The following MTUS2 variants were observed in gnomAD, a reference collection of about 807,000 sequenced individuals.
The protein encoded by MTUS2 is microtubule-associated tumor suppressor candidate 2.
A neutral mutation model predicts 114.1 loss-of-function variants in MTUS2; 40 were observed. The observed-to-expected ratio is 0.35, with a 90% confidence interval of 0.27 to 0.46. MTUS2 has a LOEUF of 0.46. Ranked by LOEUF, MTUS2 falls within the 20% of genes least tolerant of loss-of-function variation. The pLI, the probability that MTUS2 is intolerant of heterozygous loss-of-function variation, is 1.00. For synonymous variants in MTUS2, 688 were observed against 672.0 expected (o/e 1.02, Z -0.37); for missense variants, 1,679 against 1,705.4 (o/e 0.98, Z 0.27).
intron 5 of MTUS2, among the ~76,000 whole-genome samples, chr13:29,150,467 A>T (rs1290163646): frequency 5.3e-5 from 8 of 152,096 alleles, no homozygotes; most frequent in African/African-American, 1.9e-4. Context: ...TACCTTGCAA[A>T]TATTTTCTCT....
At chr13:29,062,687 GGT>G (rs1192445545) in intron 4 of MTUS2, among the ~76,000 whole-genome samples, 2 of 151,910 alleles carry the variant, frequency 1.3e-5, no homozygotes, top group Non-Finnish European at 2.9e-5. Flanking sequence ...AATAATTTCT[GGT>G]GTTTCCCTCC....
intron 8 of MTUS2, among the ~76,000 whole-genome samples, chr13:29,405,744 T>TTC (rs869152929): frequency 0.01 from 2 of 194 alleles, no homozygotes; most frequent in East Asian, 0.5. Context: ...AATTAACTAC[T>TTC]TTTTTTTTTT....
At chr13:29,449,603 T>G (rs1348865462) in intron 9 of MTUS2, among the ~76,000 whole-genome samples, 1 of 151,928 alleles carries the variant, frequency 6.6e-6, no homozygotes, top group Non-Finnish European at 1.5e-5. Context: ...ACAAAAGTCT[T>G]AAATTCTTCC....
chr13:29,394,704 A>G (rs185824003), intron 8 of MTUS2, among the ~76,000 whole-genome samples: 1 of 152,338 alleles, frequency 6.6e-6, no homozygotes, highest in East Asian at 1.9e-4. Context: ...GTTAGGAACC[A>G]GGCTAACAGC....
chr13:29,271,861 G>C (rs1897893309), intron 5 of MTUS2, among the ~76,000 whole-genome samples: 1 of 152,176 alleles, frequency 6.6e-6, no homozygotes, highest in Admixed American at 6.5e-5. Context: ...AATGTTTTGT[G>C]GATAGATGAT....
At chr13:29,102,988 G>C (rs1009175665) in intron 5 of MTUS2, among the ~76,000 whole-genome samples, 6 of 152,150 alleles carry the variant, frequency 3.9e-5, no homozygotes, top group African/African-American at 1.4e-4. Flanking sequence ...TGTGTGGAAA[G>C]CTTTGCTGGA....
intron 6 of MTUS2, among the ~76,000 whole-genome samples, chr13:29,287,209 T>C (rs1898527550): frequency 6.6e-6 from 1 of 152,338 alleles, no homozygotes; most frequent in Middle Eastern, 3.4e-3. Flanking sequence ...AATATCCAGC[T>C]AAGGACTATC....
chr13:28,988,350 T>A (rs1476788188), intron 2 of MTUS2, among the ~76,000 whole-genome samples: 2 of 152,236 alleles, frequency 1.3e-5, no homozygotes, highest in Non-Finnish European at 2.9e-5. Flanking sequence ...CCTGGCTATG[T>A]CATCATGTCT....
At chr13:29,151,106 G>A (rs1359127694) in intron 5 of MTUS2, among the ~76,000 whole-genome samples, 1 of 152,022 alleles carries the variant, frequency 6.6e-6, no homozygotes, top group African/African-American at 2.4e-5. Flanking sequence ...GATAACAATA[G>A]CATTGAATCT....
intron 8 of MTUS2, among the ~76,000 whole-genome samples, chr13:29,417,446 CTTT>C (rs1875749620): frequency 6.6e-6 from 1 of 152,110 alleles, no homozygotes; most frequent in Non-Finnish European, 1.5e-5. Context: ...ATTAATCCTT[CTTT>C]ATCTGTTTTC....
chr13:28,928,375 CAGA>C (rs1013423858), intron 2 of MTUS2, among the ~76,000 whole-genome samples: 3 of 152,020 alleles, frequency 2.0e-5, no homozygotes, highest in African/African-American at 7.2e-5. Context: ...GATTAATAAC[CAGA>C]ATATATAAGG....
intron 5 of MTUS2, among the ~76,000 whole-genome samples, chr13:29,193,646 A>G (rs1352990182): frequency 6.6e-6 from 1 of 152,200 alleles, no homozygotes; most frequent in Non-Finnish European, 1.5e-5. Flanking sequence ...AAGAATCAAT[A>G]TCGTGAAAAT....
intron 7 of MTUS2, among the ~76,000 whole-genome samples, chr13:29,334,771 C>T (rs892885202): frequency 3.3e-5 from 5 of 152,038 alleles, no homozygotes; most frequent in South Asian, 2.1e-4. Context: ...TCAGGGACCC[C>T]GAACGGAGGG....
chr13:29,108,374 A>G (rs1265137898), intron 5 of MTUS2, among the ~76,000 whole-genome samples: 4 of 152,162 alleles, frequency 2.6e-5, no homozygotes, highest in Admixed American at 2.0e-4. Flanking sequence ...GTTTTGTTTT[A>G]TTTTTAAGGA....
At chr13:28,917,328 G>T (rs988791485) in intron 2 of MTUS2, among the ~76,000 whole-genome samples, 4 of 151,830 alleles carry the variant, frequency 2.6e-5, no homozygotes, top group Non-Finnish European at 4.4e-5. Flanking sequence ...AATAGTTTGA[G>T]TAGGATTGGC....
intron 2 of MTUS2, among the ~76,000 whole-genome samples, chr13:29,007,912 ACAGGGTTGGTGCCCCTAACTCCCACGT>A (rs1487839770): frequency 3.3e-5 from 5 of 152,200 alleles, no homozygotes; most frequent in Admixed American, 6.5e-5. Context: ...TTTCAACAGC[ACAGGGTTGGTGCCCCTAACTCCCACGT>A]TGTTCAGGCG....
At chr13:28,938,054 C>G (rs956106020) in intron 2 of MTUS2, among the ~76,000 whole-genome samples, 1 of 152,164 alleles carries the variant, frequency 6.6e-6, no homozygotes, top group Non-Finnish European at 1.5e-5. Flanking sequence ...GAGAATATAA[C>G]AAAGTGTAAT....
intron 9 of MTUS2, among the ~76,000 whole-genome samples, chr13:29,469,140 A>C (rs1015854167): frequency 1.1e-4 from 16 of 152,098 alleles, no homozygotes; most frequent in African/African-American, 3.6e-4. Flanking sequence ...GCCTTGCTGA[A>C]GCTCCCATGG....
chr13:29,180,586 A>G (rs1487516217), intron 5 of MTUS2, among the ~76,000 whole-genome samples: 1 of 152,192 alleles, frequency 6.6e-6, no homozygotes, highest in Non-Finnish European at 1.5e-5. Context: ...AATCTATAGC[A>G]TGTGACACCG....
Sources: allele counts gnomAD v4.1 joint callset (sites outside exome capture counted in the v4.1 genomes callset), GRCh38; gene constraint gnomAD v4.1.1; transcripts MANE v1.5; gene names NCBI Gene and HGNC (gene_info 2026-07-23, HGNC 2026-07-21).